The following WNT9A variants were observed in gnomAD, a reference collection of about 807,000 sequenced individuals.
WNT9A encodes the protein Wnt family member 9A.
In WNT9A, 8 loss-of-function variants were observed where a neutral mutation model predicts 31.4. The observed-to-expected ratio is 0.26, with a 90% CI of 0.15 to 0.46. The LOEUF (loss-of-function observed/expected upper bound fraction) is 0.46. Among genes scored for constraint, WNT9A ranks in the 20% least tolerant of loss-of-function variants. The pLI is 0.99. For synonymous variants in WNT9A, 236 were observed against 220.1 expected (o/e 1.07, Z -0.64); for missense variants, 457 against 522.9 (o/e 0.87, Z 1.23).
intron 1 of WNT9A, among the ~76,000 whole-genome samples, chr1:227,927,490 G>C (rs116216380): frequency 0.013 from 1,918 of 152,288 alleles, 20 homozygotes; most frequent in Middle Eastern, 0.031. Flanking sequence ...AAATGCCCTG[G>C]GGGTCAGGAC....
At chr1:227,931,797 G>A (rs775644805) in intron 1 of WNT9A, among the ~76,000 whole-genome samples, 1 of 152,140 alleles carries the variant, frequency 6.6e-6, no homozygotes, top group South Asian at 2.1e-4. Flanking sequence ...TCTTTTCGCT[G>A]GGGGAGGGTC....
intron 3 of WNT9A, 76 bp from the exon 4 acceptor site, chr1:227,922,076 C>A (rs1477522523): frequency 1.3e-6 from 2 of 1,517,316 alleles, no homozygotes; most frequent in Non-Finnish European, 1.8e-6. Flanking sequence ...CTGCCCTGGA[C>A]CCCCAGAGGG....
chr1:227,931,168 C>A (rs1297223634), intron 1 of WNT9A, among the ~76,000 whole-genome samples: 1 of 152,064 alleles, frequency 6.6e-6, no homozygotes, highest in African/African-American at 2.4e-5. Context: ...CTCACTGCAG[C>A]CTCACTGTTG....
At position 227,947,610 on chromosome 1, in the gene WNT9A, T is replaced by C. The variant is rs533693825; in HGVS notation, c.95+183A>G. ...CAAGCCGGACGGGTCCACCCGCCTC[T>C]CTAGCCGTGCCGCGCAGCGGACGGA... On this transcript the variant is annotated intron_variant, in intron 1 of 3. Coordinates refer to ENST00000272164, the MANE Select transcript of WNT9A (RefSeq NM_003395.4). 2.4e-3 allele frequency among the ~76,000 whole-genome samples: 363 copies of C among 151,820 alleles called. 3 individuals are homozygous for C. Among genetic ancestry groups the C allele is most frequent in the African/African-American group, 8.4e-3 (350 of 41,464 alleles).
intron 1 of WNT9A, among the ~76,000 whole-genome samples, chr1:227,938,252 T>TAC (rs908084480): frequency 7.4e-6 from 1 of 135,208 alleles, no homozygotes; most frequent in Non-Finnish European, 1.6e-5. Flanking sequence ...CACACATGTG[T>TAC]ACACACACAC....
At chr1:227,946,370 A>C (rs1398946956) in intron 1 of WNT9A, among the ~76,000 whole-genome samples, 2 of 152,220 alleles carry the variant, frequency 1.3e-5, no homozygotes, top group Admixed American at 1.3e-4. Flanking sequence ...CCAGCCCAAG[A>C]AGCAGAGCCT....
At chr1:227,929,871 G>A (rs1262832992) in intron 1 of WNT9A, among the ~76,000 whole-genome samples, 1 of 152,210 alleles carries the variant, frequency 6.6e-6, no homozygotes, top group Non-Finnish European at 1.5e-5. Context: ...AGGACATGGT[G>A]AGAAGGCAAT....
intron 1 of WNT9A, among the ~76,000 whole-genome samples, chr1:227,938,522 TAC>T (rs554369526): frequency 1.3e-5 from 2 of 151,756 alleles, no homozygotes; most frequent in African/African-American, 2.4e-5. Flanking sequence ...CACTCATGTG[TAC>T]ACACAGACAC....
Position 227,925,597 on chromosome 1 carries a change from G to C in WNT9A, c.96-78C>G. 1 of 1,439,270 alleles carries C rather than the reference G, an allele frequency of 6.9e-7. No individual in the cohort carries two copies. Among genetic ancestry groups the C allele is most frequent in the Non-Finnish European group, 9.1e-7 (1 of 1,100,096 alleles). 89.2% of individuals were successfully genotyped at this position (1,439,270 alleles called of 1,614,324 possible). The stretch of plus-strand genomic sequence containing the variant: ...CTGGCCAGGTGTCTCGGTGGCCAGG[G>C]TACAGGGGACAGGCGTGTCCATCCG... On this transcript the variant is annotated intron_variant, in intron 1 of 3. Transcript: ENST00000272164. The surrounding 1 kb of genome is among the most constrained non-coding windows in gnomAD (Gnocchi z 6.0).
chr1:227,928,394 G>A lies in WNT9A; in HGVS notation c.96-2875C>T, dbSNP rs1189938914. 1.3e-5 allele frequency among the ~76,000 whole-genome samples: 2 copies of A among 152,170 alleles called. No homozygotes were observed. Among genetic ancestry groups the A allele is most frequent in the African/African-American group, 4.8e-5 (2 of 41,444 alleles). On this transcript the variant is annotated intron_variant, in intron 1 of 3. Coordinates refer to ENST00000272164, the MANE Select transcript of WNT9A (RefSeq NM_003395.4). The surrounding 1 kb of genome is among the most constrained non-coding windows in gnomAD (Gnocchi z 4.5). ...AGGGTGTGGAGGGAGGGTTGCCCCA[G>A]CCTAGCAGTGGCAAGGGATGGCCTG...
Position 227,925,117 on chromosome 1 carries a change from T to C in WNT9A, c.352+146A>G, listed in dbSNP as rs748705303. The C allele has an allele frequency of 4.7e-6, 6 of 1,285,946 alleles. No individual in the cohort carries two copies. The highest frequency in any genetic ancestry group is 6.1e-6 in the Non-Finnish European group (6 of 979,376). 79.7% of individuals were successfully genotyped at this position (1,285,946 alleles called of 1,614,324 possible). A position where few individuals can be genotyped will look rare whatever the true frequency, so the allele number is the denominator to read the frequency against. ...CTCAGGGAGGTCCCGGGGCTGCCCT[T>C]TCCAGGGCCTAGGCCCAGGAGCTCT... On this transcript the variant is annotated intron_variant, in intron 2 of 3. Coordinates refer to ENST00000272164, the MANE Select transcript of WNT9A (RefSeq NM_003395.4). This position sits in a 1 kb window ranked among gnomAD's most constrained non-coding sequence, Gnocchi z 6.0.
In WNT9A at chr1:227,922,045, G is replaced by C. The variant is rs762779695; in HGVS notation, c.616-45C>G. On this transcript the variant is annotated intron_variant, in intron 3 of 3. Transcript: ENST00000272164. ...GGGAGGGCAGTGTGAGGGCTGTGCA[G>C]GTGGGCCCAGTGAGCAGACCCTGCC... 3 of 1,557,028 alleles carry C rather than the reference G, an allele frequency of 1.9e-6. No homozygotes were observed. The Admixed American group carries it at 5.3e-5, about 27-fold the overall frequency.
At chr1:227,946,146 T>TGCTATGCGCCTG (rs1479202759) in intron 1 of WNT9A, among the ~76,000 whole-genome samples, 1 of 152,170 alleles carries the variant, frequency 6.6e-6, no homozygotes, top group African/African-American at 2.4e-5. Flanking sequence ...CTTAAGTCCT[T>TGCTATGCGCCTG]GCTATGCGCC....
chr1:227,933,745 C>G (rs1344975367), intron 1 of WNT9A, among the ~76,000 whole-genome samples: 1 of 152,210 alleles, frequency 6.6e-6, no homozygotes, highest in East Asian at 1.9e-4. Context: ...CAGAGCCAAG[C>G]ACAGTGGAGC....
At chr1:227,946,562 G>C (rs1391457737) in intron 1 of WNT9A, among the ~76,000 whole-genome samples, 2 of 152,230 alleles carry the variant, frequency 1.3e-5, no homozygotes, top group Non-Finnish European at 2.9e-5. Flanking sequence ...AGGGCTGCGG[G>C]TGGGGGCCCC....
At chr1:227,927,068 C>T (rs757700670) in intron 1 of WNT9A, among the ~76,000 whole-genome samples, 12 of 152,164 alleles carry the variant, frequency 7.9e-5, no homozygotes, top group East Asian at 1.9e-4. Flanking sequence ...GCCAAGCTGA[C>T]GTCCTGCCCC....
At position 227,947,917 on chromosome 1, in the gene WNT9A, G is replaced by A. The variant is rs912429338; in HGVS notation, c.-30C>T. On this transcript the variant is annotated 5_prime_UTR_variant, in exon 1 of 4. Coordinates refer to ENST00000272164, the MANE Select transcript of WNT9A (RefSeq NM_003395.4). Reference sequence around the variant, plus strand: ...CCGCGCCTCGGCGGCCGACCATCGCGCTCCCAGCTCCGCGCAGGGCGCGCC... The same window carrying A: ...CCGCGCCTCGGCGGCCGACCATCGCACTCCCAGCTCCGCGCAGGGCGCGCC... 7 of 1,039,840 alleles carry A rather than the reference G, an allele frequency of 6.7e-6. No individual in the cohort carries two copies. Among genetic ancestry groups the A allele is most frequent in the Non-Finnish European group, 8.1e-6 (7 of 864,768 alleles). 64.4% of individuals were successfully genotyped at this position (1,039,840 alleles called of 1,614,324 possible). A position where few individuals can be genotyped will look rare whatever the true frequency, so the allele number is the denominator to read the frequency against.
chr1:227,934,851 A>C (rs931429532), intron 1 of WNT9A, among the ~76,000 whole-genome samples: 1 of 150,418 alleles, frequency 6.6e-6, no homozygotes, highest in African/African-American at 2.4e-5. Flanking sequence ...TCATAGCCTC[A>C]GGTAAGCTCA....
chr1:227,934,440 G>GTT (rs1666557290), intron 1 of WNT9A, among the ~76,000 whole-genome samples: 1 of 152,066 alleles, frequency 6.6e-6, no homozygotes, highest in South Asian at 2.1e-4. Flanking sequence ...GCTTTCTCCT[G>GTT]TTTTTGTCTG....
Sources: allele counts gnomAD v4.1 joint callset (sites outside exome capture counted in the v4.1 genomes callset), GRCh38; gene constraint gnomAD v4.1.1; non-coding constraint Gnocchi (gnomAD v3.1); transcripts MANE v1.5; gene names NCBI Gene and HGNC (gene_info 2026-07-23, HGNC 2026-07-21).